The following ADGRV1 variants were observed in gnomAD, a reference collection of about 807,000 sequenced individuals.
ADGRV1 encodes G-protein coupled receptor 98.
A neutral mutation model predicts 596.2 loss-of-function variants in ADGRV1; 359 were observed. The ratio of observed to expected loss-of-function variants is 0.60; its 90% CI spans 0.55 to 0.66. ADGRV1 has a LOEUF of 0.66. Among genes scored for constraint, ADGRV1 ranks in the 30% least tolerant of loss-of-function variants. The pLI is 0.00. For synonymous variants in ADGRV1, 2,681 were observed against 2,679.2 expected (o/e 1.00, Z -0.02); for missense variants, 7,274 against 7,575.6 (o/e 0.96, Z 1.48).
At chr5:90,622,735 A>C in intron 5 of ADGRV1, 34 bp downstream of exon 5, 1 of 941,372 alleles carries the variant, frequency 1.1e-6, no homozygotes, top group Non-Finnish European at 1.5e-6. Context: ...TATTTTATTT[A>C]TTTTTATTTT....
intron 83 of ADGRV1, among the ~76,000 whole-genome samples, chr5:90,956,756 A>G (rs1190289919): frequency 6.6e-6 from 1 of 152,136 alleles, no homozygotes; most frequent in Non-Finnish European, 1.5e-5. Flanking sequence ...ACATGCTAGC[A>G]TCGGTGATTT....
Position 90,652,342 on chromosome 5 carries a change from G to A in ADGRV1, c.3417-4G>A, listed in dbSNP as rs1768755707. 2.0e-5 allele frequency: 31 copies of A among 1,561,984 alleles called. No individual in the cohort carries two copies. The highest frequency in any genetic ancestry group is 2.5e-5 in the Non-Finnish European group (29 of 1,155,930). ...TTATAAATTTTCTTTAATTTATTTT[G>A]TAGGATTTTGAGGCACCGAGGATAC... On this transcript the variant is annotated splice_polypyrimidine_tract_variant and splice_region_variant and intron_variant, in intron 18 of 89. Coordinates refer to ENST00000405460, the MANE Select transcript of ADGRV1 (RefSeq NM_032119.4).
chr5:90,645,908 T>A, intron 15 of ADGRV1, 60 bp from the exon 16 acceptor site: 1 of 1,315,944 alleles, frequency 7.6e-7, no homozygotes, highest in Middle Eastern at 2.1e-4. Flanking sequence ...AATTTAAGAA[T>A]ATATGATGTA....
chr5:90,895,439 A>G (rs6868618), intron 83 of ADGRV1, among the ~76,000 whole-genome samples: 71,388 of 151,958 alleles, frequency 0.47, 17,613 homozygotes, highest in African/African-American at 0.62. Flanking sequence ...AACAGTCTTG[A>G]CAGAGAAAAC....
intron 61 of ADGRV1, 83 bp downstream of exon 61, chr5:90,776,659 A>C: frequency 6.5e-6 from 9 of 1,389,410 alleles, no homozygotes; most frequent in East Asian, 2.3e-5. Flanking sequence ...TATCATTCTC[A>C]ATACATACAT....
Position 90,725,374 on chromosome 5 carries a change from G to C in ADGRV1, c.10053+142G>C. 3 of 698,044 alleles carry C rather than the reference G, an allele frequency of 4.3e-6. No individual in the cohort carries two copies. The South Asian group carries it at 6.9e-5, about 16-fold the overall frequency. 43.2% of individuals were successfully genotyped at this position (698,044 alleles called of 1,614,324 possible). On this transcript the variant is annotated intron_variant, in intron 47 of 89. Transcript: ENST00000405460. ...GTGAGTTGATATACATTTTAGCAAA[G>C]TATCTTAATCCGGGGATATTTTTGT...
Position 90,813,132 on chromosome 5 carries a change from C to CAAAAAAAAAAAAAAAA in ADGRV1, c.16078+1811_16078+1826dup, listed in dbSNP as rs5869522. 3.3e-3 allele frequency among the ~76,000 whole-genome samples: 114 copies of CAAAAAAAAAAAAAAAA among 34,922 alleles called. 20 individuals are homozygous for CAAAAAAAAAAAAAAAA. Among genetic ancestry groups the CAAAAAAAAAAAAAAAA allele is most frequent in the East Asian group, 0.013 (9 of 690 alleles). 22.9% of individuals were successfully genotyped at this position (34,922 alleles called of 152,430 possible). ...TGGGCGACAGAGTAAGACTCCGTCT[C>CAAAAAAAAAAAAAAAA]AAAAAAAAAAAAAAAAAAAAAAAAA... On this transcript the variant is annotated intron_variant, in intron 74 of 89. Coordinates refer to ENST00000405460, the MANE Select transcript of ADGRV1 (RefSeq NM_032119.4).
intron 52 of ADGRV1, among the ~76,000 whole-genome samples, chr5:90,747,066 G>T (rs115486190): frequency 0.012 from 1,766 of 152,258 alleles, 30 homozygotes; most frequent in African/African-American, 0.041. Flanking sequence ...GCAAGGGAGG[G>T]AGTGGAGGTT....
chr5:91,017,742 T>C (rs1783289775), intron 85 of ADGRV1, among the ~76,000 whole-genome samples: 1 of 151,924 alleles, frequency 6.6e-6, no homozygotes, highest in South Asian at 2.1e-4. Context: ...GGTTTCCAGG[T>C]GACTTGTATC....
At chr5:90,759,307 A>G (rs1296496414) in intron 57 of ADGRV1, 102 bp from the exon 58 acceptor site, 2 of 884,604 alleles carry the variant, frequency 2.3e-6, no homozygotes, top group African/African-American at 1.7e-5. Context: ...AAATTAAAAT[A>G]TATGTCAGCA....
intron 82 of ADGRV1, among the ~76,000 whole-genome samples, chr5:90,858,179 A>G (rs1190528641): frequency 1.3e-5 from 2 of 152,260 alleles, no homozygotes; most frequent in African/African-American, 2.4e-5. Flanking sequence ...TGAGGTTAAA[A>G]TGAAAGGACA....
chr5:90,940,400 C>A (rs1776072669), intron 83 of ADGRV1, among the ~76,000 whole-genome samples: 1 of 152,174 alleles, frequency 6.6e-6, no homozygotes, highest in South Asian at 2.1e-4. Context: ...ATTTATGAAT[C>A]ATCCATGATT....
chr5:90,822,589 T>C (rs1449849094), intron 75 of ADGRV1, among the ~76,000 whole-genome samples: 3 of 152,216 alleles, frequency 2.0e-5, no homozygotes, highest in African/African-American at 7.2e-5. Context: ...TTCTTTTGGC[T>C]TAGGACTGAC....
At chr5:90,923,627 G>C (rs970913448) in intron 83 of ADGRV1, among the ~76,000 whole-genome samples, 2 of 151,792 alleles carry the variant, frequency 1.3e-5, no homozygotes, top group African/African-American at 2.4e-5. Flanking sequence ...TAGGTTATTT[G>C]TTCTTTTTTT....
Position 90,651,684 on chromosome 5 carries a change from G to C in ADGRV1, c.3370G>C (p.Glu1124Gln), listed in dbSNP as rs876657825. The C allele has an allele frequency of 6.2e-7, 1 of 1,612,434 alleles. No homozygotes were observed. Among genetic ancestry groups the C allele is most frequent in the African/African-American group, 1.3e-5 (1 of 74,836 alleles). The stretch of plus-strand genomic sequence containing the variant: ...TGACCCAAATGGCATTTTTTCTCTG[G>C]AGCCCATAGACAAAGCAGTGGAAGA... ...NDDPNGIFSL[E>Q]PIDKAVEEGK... Residue 1124 changes from glutamate to glutamine, a missense_variant, in exon 18 of 90, where the codon GAG becomes CAG. This residue lies in a region of ADGRV1 where 1,715 missense variants were observed against 1,708.8 expected (regional missense o/e 1.00). Coordinates refer to ENST00000405460, the MANE Select transcript of ADGRV1 (RefSeq NM_032119.4).
chr5:90,975,768 G>A (rs186580536), intron 84 of ADGRV1, among the ~76,000 whole-genome samples: 18 of 151,920 alleles, frequency 1.2e-4, no homozygotes, highest in African/African-American at 3.6e-4. Flanking sequence ...CGAGTTAATG[G>A]GTGCAGCACA....
chr5:90,592,417 C>T (rs549426761), intron 1 of ADGRV1, among the ~76,000 whole-genome samples: 13 of 151,906 alleles, frequency 8.6e-5, no homozygotes, highest in East Asian at 5.8e-4. Context: ...GCTATGAGGA[C>T]GAAAAGGCAT....
At chr5:90,995,875 C>T (rs1182691365) in intron 85 of ADGRV1, among the ~76,000 whole-genome samples, 1 of 152,128 alleles carries the variant, frequency 6.6e-6, no homozygotes, top group African/African-American at 2.4e-5. Flanking sequence ...CGCTCTAGGG[C>T]TCTCTGGAAC....
Position 91,164,020 on chromosome 5 carries a change from C to T in ADGRV1, c.*120C>T, listed in dbSNP as rs1213445511. The T allele has an allele frequency of 1.4e-6, 1 of 704,694 alleles. No individual in the cohort carries two copies. Among genetic ancestry groups the T allele is most frequent in the Non-Finnish European group, 2.6e-6 (1 of 385,160 alleles). The allele number at this position is 704,694 out of a possible 1,614,324, so 43.7% of individuals were successfully genotyped here. ...TGTGAATTGTACTGGATGATTAATA[C>T]AAACGTGATTGTTGTATTTGGAGTA... On this transcript the variant is annotated 3_prime_UTR_variant, in exon 90 of 90. Coordinates refer to ENST00000405460, the MANE Select transcript of ADGRV1 (RefSeq NM_032119.4).
Sources: allele counts gnomAD v4.1 joint callset (sites outside exome capture counted in the v4.1 genomes callset), GRCh38; gene constraint gnomAD v4.1.1; regional missense constraint gnomAD v4.1.1; transcripts MANE v1.5; gene names NCBI Gene and HGNC (gene_info 2026-07-23, HGNC 2026-07-21).